Variants in KSR2 observed in about 807,000 individuals in gnomAD.
The protein encoded by KSR2 is kinase suppressor of ras 2.
In KSR2, 25 loss-of-function variants were observed where a neutral mutation model predicts 107.8. The ratio of observed to expected loss-of-function variants is 0.23; its 90% confidence interval spans 0.17 to 0.32. KSR2 has a LOEUF of 0.32. Among genes scored for constraint, KSR2 ranks in the 10% least tolerant of loss-of-function variants. KSR2 has a pLI of 1.00. For missense variants in KSR2, 887 were observed against 1,268.9 expected, an observed-to-expected ratio of 0.70 and a Z score of 4.57; for synonymous variants, 480 against 507.0, an observed-to-expected ratio of 0.95 and a Z score of 0.71.
At chr12:117,510,624 C>G (rs777336242) in intron 14 of KSR2, among the ~76,000 whole-genome samples, 6 of 152,188 alleles carry the variant, frequency 3.9e-5, no homozygotes, top group Admixed American at 6.5e-5. Context: ...TGCCTGTAAT[C>G]CCAGCACTTT....
chr12:117,849,301 C>T (rs1892832497), intron 3 of KSR2, among the ~76,000 whole-genome samples: 3 of 152,252 alleles, frequency 2.0e-5, no homozygotes, highest in East Asian at 3.9e-4. Context: ...TGTCTGTGCC[C>T]CAGCCCCCCA....
chr12:117,696,438 G>A (rs1886062079), intron 4 of KSR2, among the ~76,000 whole-genome samples: 1 of 152,228 alleles, frequency 6.6e-6, no homozygotes, highest in South Asian at 2.1e-4. Flanking sequence ...CAGGTTTAGA[G>A]ACAAACTTGG....
At chr12:117,524,006 G>C (rs1874941679) in intron 14 of KSR2, among the ~76,000 whole-genome samples, 1 of 152,098 alleles carries the variant, frequency 6.6e-6, no homozygotes, top group East Asian at 1.9e-4. Context: ...GGGGTTTGCA[G>C]ACTACGGCCC....
intron 14 of KSR2, among the ~76,000 whole-genome samples, chr12:117,499,784 T>C (rs891124701): frequency 6.6e-6 from 1 of 152,288 alleles, no homozygotes; most frequent in African/African-American, 2.4e-5. Context: ...TTCTAATAAC[T>C]GTGTAGCTGA....
At chr12:117,892,829 T>C (rs936359785) in intron 1 of KSR2, among the ~76,000 whole-genome samples, 3 of 150,272 alleles carry the variant, frequency 2.0e-5, no homozygotes, top group African/African-American at 7.3e-5. Flanking sequence ...TCATGAGAAG[T>C]TGCTTTTAAA....
intron 5 of KSR2, among the ~76,000 whole-genome samples, chr12:117,594,087 C>A (rs764608299): frequency 1.2e-4 from 19 of 152,194 alleles, no homozygotes; most frequent in African/African-American, 4.3e-4. Flanking sequence ...TCAGAGCCAT[C>A]GGAGTTGTCT....
intron 2 of KSR2, among the ~76,000 whole-genome samples, chr12:117,857,510 G>GA (rs1480739715): frequency 3.9e-5 from 6 of 151,934 alleles, no homozygotes; most frequent in Middle Eastern, 3.2e-3. Context: ...CTTAAGTTCA[G>GA]AAAAAAATCA....
chr12:117,731,571 G>A (rs1423699136), intron 4 of KSR2, among the ~76,000 whole-genome samples: 2 of 152,232 alleles, frequency 1.3e-5, no homozygotes, highest in Admixed American at 6.5e-5. Flanking sequence ...CCATGATAAC[G>A]ATGGCGGTTT....
chr12:117,642,492 G>A (rs1470691789), intron 5 of KSR2, among the ~76,000 whole-genome samples: 1 of 152,192 alleles, frequency 6.6e-6, no homozygotes, highest in Non-Finnish European at 1.5e-5. Context: ...GGACCTCAAG[G>A]TAAACGTACC....
At chr12:117,720,295 T>C (rs1887155622) in intron 4 of KSR2, among the ~76,000 whole-genome samples, 1 of 152,168 alleles carries the variant, frequency 6.6e-6, no homozygotes, top group Non-Finnish European at 1.5e-5. Flanking sequence ...TGTTATCATT[T>C]AGAAGGTTTG....
At chr12:117,831,422 G>T (rs1349260964) in intron 3 of KSR2, among the ~76,000 whole-genome samples, 3 of 152,168 alleles carry the variant, frequency 2.0e-5, no homozygotes, top group Non-Finnish European at 4.4e-5. Context: ...CACGTTGCTT[G>T]GCAGCTGCCC....
chr12:117,751,599 A>C (rs1888613458), intron 4 of KSR2, among the ~76,000 whole-genome samples: 1 of 152,206 alleles, frequency 6.6e-6, no homozygotes, highest in Non-Finnish European at 1.5e-5. Flanking sequence ...CTTAAGTAGC[A>C]TGACTGTTGT....
At chr12:117,673,929 T>A (rs1024874298) in intron 4 of KSR2, among the ~76,000 whole-genome samples, 1 of 152,170 alleles carries the variant, frequency 6.6e-6, no homozygotes. Context: ...TGGGGCTATA[T>A]CAGCCCTGGG....
At chr12:117,902,759 T>A (rs1419751412) in intron 1 of KSR2, among the ~76,000 whole-genome samples, 1 of 152,172 alleles carries the variant, frequency 6.6e-6, no homozygotes, top group Non-Finnish European at 1.5e-5. Context: ...AGGTATCTGC[T>A]AAGCCAGCTC....
chr12:117,618,939 A>T (rs1344123534), intron 5 of KSR2, among the ~76,000 whole-genome samples: 2 of 152,198 alleles, frequency 1.3e-5, no homozygotes, highest in East Asian at 1.9e-4. Flanking sequence ...AAACATTTTT[A>T]AAAATATATT....
At chr12:117,519,146 T>C (rs1874577440) in intron 14 of KSR2, among the ~76,000 whole-genome samples, 1 of 152,224 alleles carries the variant, frequency 6.6e-6, no homozygotes, top group Non-Finnish European at 1.5e-5. Context: ...GTGCTAGCAC[T>C]GAAGCTAACA....
chr12:117,761,489 A>T lies in KSR2; in HGVS notation c.508T>A (p.Trp170Arg). ...TCCTTCCCCGTCTCTGTCGTGGGCC[A>T]CTGGATGGTCCAGTCTTGTTTGGAA... ...NLSKQDWTIQ[W>R]PTTETGKENN... Residue 170 changes from tryptophan to arginine, a missense_variant, in exon 4 of 20, where the codon TGG (tryptophan) becomes AGG (arginine). This residue lies in a region of KSR2 where 399 missense variants were observed against 479.5 expected (regional missense o/e 0.83). Transcript: ENST00000339824. 1 of 1,613,416 alleles carries T rather than the reference A, an allele frequency of 6.2e-7. No homozygotes were observed.
rs1889017806 is a variant in KSR2, at chr12:117,761,461, T to C, written c.536A>G (p.Asn179Ser). 6.2e-7 allele frequency: 1 copy of C among 1,613,182 alleles called. No individual in the cohort carries two copies. The highest frequency in any genetic ancestry group is 8.5e-7 in the Non-Finnish European group (1 of 1,179,642). The change falls in exon 4 of 20, where the codon AAC becomes AGC. Residue 179 changes from asparagine to serine, a missense_variant. Asn to Ser is a conservative substitution (Grantham distance 46). Coordinates refer to ENST00000339824, the MANE Select transcript of KSR2 (RefSeq NM_173598.6). ...GGGCTCCGGGGGGCACACGGGATTG[T>C]TCTCCTTCCCCGTCTCTGTCGTGGG... ...QWPTTETGKE[N>S]NPVCPPEPTP... is the part of the protein sequence containing the mutation.
intron 5 of KSR2, among the ~76,000 whole-genome samples, chr12:117,633,363 A>G (rs11068589): frequency 0.91 from 139,009 of 152,284 alleles, 63,672 homozygotes; most frequent in East Asian, 0.99. Context: ...TCTTCTCAGC[A>G]GAGCCACCAG....
Sources: gnomAD v4.1 joint callset for allele counts (sites outside exome capture counted in the v4.1 genomes callset) on GRCh38, gnomAD v4.1.1 for gene constraint, gnomAD v4.1.1 regional missense constraint, MANE v1.5 for transcripts, NCBI Gene and HGNC (gene_info 2026-07-23, HGNC 2026-07-21) for gene names.